GLRA3: variants seen among roughly 807,000 people sequenced by gnomAD.
The protein encoded by GLRA3 is glycine receptor subunit alpha-3.
A neutral mutation model predicts 60.4 loss-of-function variants in GLRA3; 44 were observed. The observed-to-expected ratio is 0.73, with a 90% confidence interval of 0.57 to 0.94. The LOEUF is 0.94. Among genes scored for constraint, GLRA3 ranks in the 40% least tolerant of loss-of-function variants. The pLI is 0.00. For synonymous variants in GLRA3, 223 were observed against 192.9 expected (o/e 1.16, Z -1.29); for missense variants, 508 against 564.6 (o/e 0.90, Z 1.02).
Position 174,673,675 on chromosome 4 carries a change from C to A in GLRA3, c.927+3403G>T, listed in dbSNP as rs981604079. On this transcript the variant is annotated intron_variant, in intron 7 of 9. Transcript: ENST00000274093. ...AGGCTTTCTTCCACTAGAAAAATCACCTCTATTCCACTTCCCAATTCATTT... is the reference window on the plus strand; with the variant it reads ...AGGCTTTCTTCCACTAGAAAAATCAACTCTATTCCACTTCCCAATTCATTT... 2.0e-5 allele frequency among the ~76,000 whole-genome samples: 3 copies of A among 152,142 alleles called. No homozygotes were observed. In the South Asian group the frequency reaches 6.2e-4, roughly 31 times the overall value.
intron 7 of GLRA3, among the ~76,000 whole-genome samples, chr4:174,669,532 A>C (rs182033162): frequency 3.1e-3 from 474 of 152,238 alleles, no homozygotes; most frequent in Non-Finnish European, 4.8e-3. Flanking sequence ...TCAGTAAATG[A>C]ATGATGCTTC....
intron 2 of GLRA3, among the ~76,000 whole-genome samples, chr4:174,782,364 C>A (rs531362181): frequency 2.3e-4 from 35 of 151,916 alleles, no homozygotes; most frequent in African/African-American, 7.2e-4. Flanking sequence ...CAATATCATA[C>A]TGAATGGGGA....
chr4:174,654,902 A>C (rs1167454421), intron 9 of GLRA3, among the ~76,000 whole-genome samples: 2 of 152,132 alleles, frequency 1.3e-5, no homozygotes, highest in Admixed American at 1.3e-4. Context: ...TGGATACAAG[A>C]GCAAACTTGT....
chr4:174,774,366 GTGTGTGTGTGTGTA>G (rs1738510954), intron 2 of GLRA3, among the ~76,000 whole-genome samples: 1 of 150,626 alleles, frequency 6.6e-6, no homozygotes, highest in Non-Finnish European at 1.5e-5. Context: ...GTGTGTGTAT[GTGTGTGTGTGTGTA>G]TGTGTGTGTG....
At position 174,719,048 on chromosome 4, in the gene GLRA3, C is replaced by T. The variant is rs895110315; in HGVS notation, c.492-3478G>A. On this transcript the variant is annotated intron_variant, in intron 4 of 9. Transcript: ENST00000274093. ...CGCAATCTCGGCTCACTGCAGGCTC[C>T]GCCCCCTGGGGTTCACCCCATTCTC... 4.0e-5 allele frequency among the ~76,000 whole-genome samples: 6 copies of T among 148,344 alleles called. No homozygotes were observed. The East Asian group carries it at 6.0e-4, about 15-fold the overall frequency.
chr4:174,779,096 G>T (rs1470798103), intron 2 of GLRA3, among the ~76,000 whole-genome samples: 1 of 152,178 alleles, frequency 6.6e-6, no homozygotes, highest in Non-Finnish European at 1.5e-5. Context: ...AGAGAGCAGT[G>T]GTTCTCCCAG....
intron 9 of GLRA3, among the ~76,000 whole-genome samples, chr4:174,648,388 C>T (rs768155014): frequency 3.3e-5 from 5 of 152,134 alleles, no homozygotes; most frequent in Non-Finnish European, 7.3e-5. Context: ...CACTTGAACC[C>T]AGGACGTAGA....
chr4:174,793,376 C>T (rs1739434565), intron 1 of GLRA3, among the ~76,000 whole-genome samples: 1 of 151,564 alleles, frequency 6.6e-6, no homozygotes, highest in Non-Finnish European at 1.5e-5. Flanking sequence ...TTTTGCAGGC[C>T]TTTCAAAAAA....
chr4:174,775,929 G>A (rs1738580650), intron 2 of GLRA3, among the ~76,000 whole-genome samples: 1 of 151,842 alleles, frequency 6.6e-6, no homozygotes, highest in Non-Finnish European at 1.5e-5. Flanking sequence ...AAAATATAGA[G>A]CCAGATAAAA....
chr4:174,728,541 T>A lies in GLRA3; in HGVS notation c.425A>T (p.His142Leu), dbSNP rs1296753300. Residue 142 changes from histidine to leucine, a missense_variant, in exon 4 of 10, where the codon CAT (histidine) becomes CTT (leucine). This residue lies in a region of GLRA3 where 329 missense variants were observed against 349.3 expected (regional missense o/e 0.94). Transcript: ENST00000274093. ...FFANEKGANF[H>L]EVTTDNKLLR... ...CAATTTGTTGTCTGTAGTGACTTCA[T>A]GAAAGTTGGCACCCTTTTCATTGGC... 1 of 1,613,592 alleles carries A rather than the reference T, an allele frequency of 6.2e-7. No individual in the cohort carries two copies.
At chr4:174,752,623 G>GCC (rs2111199350) in intron 3 of GLRA3, among the ~76,000 whole-genome samples, 1 of 152,238 alleles carries the variant, frequency 6.6e-6, no homozygotes, top group South Asian at 2.1e-4. Context: ...AGAAGCGCTG[G>GCC]AAGACTTAAT....
intron 1 of GLRA3, among the ~76,000 whole-genome samples, chr4:174,793,636 C>T (rs2111319617): frequency 6.6e-6 from 1 of 152,104 alleles, no homozygotes; most frequent in Non-Finnish European, 1.5e-5. Flanking sequence ...AAACAATCCT[C>T]CTACCTTGGC....
chr4:174,793,264 A>G (rs1739428921), intron 1 of GLRA3, among the ~76,000 whole-genome samples: 1 of 151,874 alleles, frequency 6.6e-6, no homozygotes, highest in East Asian at 1.9e-4. Flanking sequence ...CTTTGCTTTA[A>G]ATAACCATGT....
rs1418938905 is a variant in GLRA3 at position 174,773,771 on chromosome 4, CCCCTTTCTCTTT to C, written c.200-6753_200-6742del. ...TAGAAGCAGAATCCTGTTTGTTCTT[CCCCTTTCTCTTT>C]CCCTTCCCTTCTCTTCCCTTCCCCC... On this transcript the variant is annotated intron_variant, in intron 2 of 9. Transcript: ENST00000274093. Among the ~76,000 whole-genome samples the C allele has an allele frequency of 5.3e-5, 8 of 152,198 alleles. No homozygotes were observed. In the East Asian group the frequency reaches 1.5e-3, roughly 29 times the overall value.
chr4:174,751,846 T>C (rs572491808), intron 3 of GLRA3, among the ~76,000 whole-genome samples: 5 of 152,080 alleles, frequency 3.3e-5, no homozygotes, highest in African/African-American at 1.2e-4. Context: ...TTCAGAGATA[T>C]GTACAGAGCA....
intron 3 of GLRA3, among the ~76,000 whole-genome samples, chr4:174,762,242 A>G (rs1737968467): frequency 6.6e-6 from 1 of 152,174 alleles, no homozygotes; most frequent in Non-Finnish European, 1.5e-5. Context: ...CAGTCCCATA[A>G]GGTGCTTCTA....
chr4:174,679,553 GAA>G (rs1734262449), intron 6 of GLRA3, among the ~76,000 whole-genome samples: 1 of 152,066 alleles, frequency 6.6e-6, no homozygotes, highest in African/African-American at 2.4e-5. Context: ...ATATCCAAAA[GAA>G]AGAAAATCAG....
At chr4:174,673,822 A>G (rs899715858) in intron 7 of GLRA3, among the ~76,000 whole-genome samples, 3 of 152,134 alleles carry the variant, frequency 2.0e-5, no homozygotes, top group African/African-American at 7.2e-5. Flanking sequence ...GTTTTAGAAA[A>G]GAACCCACAA....
At position 174,691,522 on chromosome 4, in the gene GLRA3, T is replaced by C. The variant is rs1353807880; in HGVS notation, c.575-8583A>G. 2.0e-5 allele frequency among the ~76,000 whole-genome samples: 3 copies of C among 152,162 alleles called. No homozygotes were observed. In the East Asian group the frequency reaches 5.8e-4, roughly 29 times the overall value. The stretch of plus-strand genomic sequence containing the variant: ...CTCCTGCCTCAGCCTGCCGAGTGCC[T>C]GCGATTGCAGGCGCGCGCGCCGCCA... On this transcript the variant is annotated intron_variant, in intron 5 of 9. Coordinates refer to ENST00000274093, the MANE Select transcript of GLRA3 (RefSeq NM_006529.4).
Sources: gnomAD v4.1 joint callset for allele counts (sites outside exome capture counted in the v4.1 genomes callset) on GRCh38, gnomAD v4.1.1 for gene constraint, gnomAD v4.1.1 regional missense constraint, MANE v1.5 for transcripts, NCBI Gene and HGNC (gene_info 2026-07-23, HGNC 2026-07-21) for gene names.